The following PKP2 variants were observed in gnomAD, a reference collection of about 807,000 sequenced individuals.
The protein encoded by PKP2 is plakophilin 2.
PKP2 carries 73 observed loss-of-function variants against 83.4 expected under a neutral mutation model. That is an observed-to-expected ratio of 0.88 (90% CI 0.72 to 1.06). The LOEUF is 1.06. PKP2 is among the 50% of genes least tolerant of loss of function. The pLI is 0.00. For missense variants in PKP2, 966 were observed against 1,065.4 expected (o/e 0.91, Z 1.30); for synonymous variants, 409 against 430.4 (o/e 0.95, Z 0.62).
chr12:32,816,835 A>C (rs1480909211), intron 9 of PKP2, among the ~76,000 whole-genome samples: 2 of 152,082 alleles, frequency 1.3e-5, no homozygotes, highest in Admixed American at 1.3e-4. Flanking sequence ...ATTAATGATG[A>C]TTAGTGATGA....
At chr12:32,861,450 T>C (rs1233455802) in intron 4 of PKP2, among the ~76,000 whole-genome samples, 1 of 152,134 alleles carries the variant, frequency 6.6e-6, no homozygotes, top group African/African-American at 2.4e-5. Context: ...TGAGTAAGAT[T>C]AATGGCATAT....
intron 6 of PKP2, among the ~76,000 whole-genome samples, chr12:32,825,190 ACGGAGT>A (rs1956425122): frequency 8.8e-6 from 1 of 113,964 alleles, no homozygotes; most frequent in Non-Finnish European, 1.7e-5. Flanking sequence ...TTTTTTTGAG[ACGGAGT>A]CTCACTCTGT....
intron 5 of PKP2, among the ~76,000 whole-genome samples, chr12:32,849,023 A>G (rs61505576): frequency 2.0e-5 from 3 of 151,732 alleles, no homozygotes. Context: ...AAAAAAAAAA[A>G]ACCTCTTCTA....
At chr12:32,821,047 C>T (rs1034097078) in intron 9 of PKP2, 19 of 372,018 alleles carry the variant, frequency 5.1e-5, no homozygotes, top group African/African-American at 8.4e-5. Flanking sequence ...AGTCCAGTCA[C>T]GACAGAAAGA....
chr12:32,841,077 T>C lies in PKP2; in HGVS notation c.1507A>G (p.Asn503Asp). ...AATATGTCAAAATCGAGCAAACCAT[T>C]TGCTTTTGGGTAGTCTCCTTCAGGC... Reference protein sequence around the residue: ...GWPEGDYPKANGLLDFDIFYN... With the variant: ...GWPEGDYPKADGLLDFDIFYN... Residue 503 changes from asparagine to aspartate, a missense_variant, in exon 6 of 13, where the codon AAT becomes GAT. Transcript: ENST00000340811. 6 of 1,613,886 alleles carry C rather than the reference T, an allele frequency of 3.7e-6. No individual in the cohort carries two copies. The highest frequency in any genetic ancestry group is 5.1e-6 in the Non-Finnish European group (6 of 1,179,874).
intron 5 of PKP2, among the ~76,000 whole-genome samples, chr12:32,846,761 A>AAAAAAAAAAAAAAAAAAAAAAAAAAG: frequency 6.6e-6 from 1 of 151,088 alleles, no homozygotes; most frequent in South Asian, 2.1e-4. Flanking sequence ...AAAAAAAAAA[A>AAAAAAAAAAAAAAAAAAAAAAAAAAG]AAGAAGAGAG....
chr12:32,870,172 AAGG>A (rs1396039991), intron 3 of PKP2, among the ~76,000 whole-genome samples: 1 of 152,216 alleles, frequency 6.6e-6, no homozygotes. Context: ...ACATCCTGAG[AAGG>A]AGTTTTCCAA....
At chr12:32,890,725 G>T (rs1591833863) in intron 1 of PKP2, among the ~76,000 whole-genome samples, 1 of 152,154 alleles carries the variant, frequency 6.6e-6, no homozygotes, top group East Asian at 1.9e-4. Flanking sequence ...TTGGGAGGCA[G>T]AGGTGGGCGG....
At chr12:32,831,715 G>A (rs1345250117) in intron 6 of PKP2, among the ~76,000 whole-genome samples, 1 of 152,184 alleles carries the variant, frequency 6.6e-6, no homozygotes, top group Non-Finnish European at 1.5e-5. Flanking sequence ...AAAGAGAAGT[G>A]TTACATAATT....
At chr12:32,871,631 A>G (rs373661288) in intron 3 of PKP2, among the ~76,000 whole-genome samples, 7 of 151,942 alleles carry the variant, frequency 4.6e-5, no homozygotes, top group Admixed American at 4.6e-4. Flanking sequence ...ACGCCCGGCT[A>G]ATTTTTCTAT....
intron 10 of PKP2, among the ~76,000 whole-genome samples, chr12:32,797,922 C>T (rs1238809693): frequency 2.0e-5 from 3 of 151,598 alleles, no homozygotes; most frequent in African/African-American, 4.9e-5. Context: ...TTTAGAAGGC[C>T]GAGACAGGAG....
At chr12:32,803,288 G>A (rs1007880084) in intron 9 of PKP2, among the ~76,000 whole-genome samples, 2 of 152,110 alleles carry the variant, frequency 1.3e-5, no homozygotes, top group Non-Finnish European at 2.9e-5. Flanking sequence ...CAGGAGAATC[G>A]CTTGAACCTG....
chr12:32,822,771 A>T, intron 7 of PKP2, 140 bp from the exon 8 acceptor site: 1 of 826,786 alleles, frequency 1.2e-6, no homozygotes, highest in Non-Finnish European at 2.0e-6. Flanking sequence ...GCCTGGGGGA[A>T]ATGCAATGAG....
chr12:32,814,904 G>T (rs946965639), intron 9 of PKP2, among the ~76,000 whole-genome samples: 1 of 151,604 alleles, frequency 6.6e-6, no homozygotes, highest in East Asian at 1.9e-4. Context: ...CACCCTAGGC[G>T]ACAGAGTGAG....
At chr12:32,812,479 T>A (rs891540677) in intron 9 of PKP2, among the ~76,000 whole-genome samples, 1 of 152,134 alleles carries the variant, frequency 6.6e-6, no homozygotes, top group Admixed American at 6.5e-5. Context: ...TTTGGCAATT[T>A]ACACACACTA....
At chr12:32,858,092 T>TAC (rs1565592667) in intron 4 of PKP2, among the ~76,000 whole-genome samples, 1 of 72,038 alleles carries the variant, frequency 1.4e-5, no homozygotes, top group African/African-American at 5.4e-5. Flanking sequence ...AAAATATATA[T>TAC]ATATATATAT....
At chr12:32,842,151 C>T (rs1354916362) in intron 5 of PKP2, among the ~76,000 whole-genome samples, 3 of 152,114 alleles carry the variant, frequency 2.0e-5, no homozygotes, top group Admixed American at 6.5e-5. Flanking sequence ...ATTTGGAGCT[C>T]GAATCCTTCT....
chr12:32,838,399 C>T lies in PKP2; in HGVS notation c.1556+2629G>A, dbSNP rs143286512. 1.3e-4 allele frequency among the ~76,000 whole-genome samples: 20 copies of T among 151,844 alleles called. No homozygotes were observed. In the East Asian group the frequency reaches 3.3e-3, roughly 25 times the overall value. On this transcript the variant is annotated intron_variant, in intron 6 of 12. Coordinates refer to ENST00000340811, the MANE Select transcript of PKP2 (RefSeq NM_001005242.3). ...GTACTAAGTTCACTATTTGAGTGAT[C>T]GGCACATTAGAAGGCCAAACCTCGG...
At chr12:32,821,158 C>T in intron 9 of PKP2, 198 bp downstream of exon 9, 1 of 587,956 alleles carries the variant, frequency 1.7e-6, no homozygotes, top group Non-Finnish European at 3.0e-6. Context: ...TGAAAGAGTA[C>T]TGACTTGACT....
Sources: allele counts gnomAD v4.1 joint callset (sites outside exome capture counted in the v4.1 genomes callset), GRCh38; gene constraint gnomAD v4.1.1; transcripts MANE v1.5; gene names NCBI Gene and HGNC (gene_info 2026-07-23, HGNC 2026-07-21).